ABCC4: variants seen among roughly 807,000 people sequenced by gnomAD.
The protein encoded by ABCC4 is ATP binding cassette subfamily C member 4 (PEL blood group), also known as ATP-binding cassette sub-family C member 4.
ABCC4 carries 102 observed loss-of-function variants against 168.5 expected under a neutral mutation model. That is an observed-to-expected ratio of 0.61 (90% confidence interval 0.52 to 0.71). ABCC4 has a LOEUF of 0.71. ABCC4 is among the 30% of genes least tolerant of loss of function. The pLI is 0.00. For synonymous variants in ABCC4, 617 were observed against 590.7 expected, an observed-to-expected ratio of 1.04 and a Z score of -0.65; for missense variants, 1,402 against 1,605.8, an observed-to-expected ratio of 0.87 and a Z score of 2.17.
intron 1 of ABCC4, among the ~76,000 whole-genome samples, chr13:95,266,957 C>A (rs2040697727): frequency 6.6e-6 from 1 of 151,184 alleles, no homozygotes; most frequent in Non-Finnish European, 1.5e-5. Flanking sequence ...GCAACCTCCA[C>A]CTCCCAGGTT....
At chr13:95,294,866 A>G (rs963712485) in intron 1 of ABCC4, among the ~76,000 whole-genome samples, 8 of 152,106 alleles carry the variant, frequency 5.3e-5, no homozygotes, top group African/African-American at 1.9e-4. Context: ...AGACAGGAGA[A>G]TCGCTTGAAC....
At chr13:95,030,489 A>C (rs1227577691) in intron 30 of ABCC4, among the ~76,000 whole-genome samples, 1 of 152,190 alleles carries the variant, frequency 6.6e-6, no homozygotes, top group Non-Finnish European at 1.5e-5. Context: ...CCTATGTTGA[A>C]GTCCTAACCC....
At position 95,177,788 on chromosome 13, in the gene ABCC4, A is replaced by T. The variant is rs751878990; in HGVS notation, c.1646T>A (p.Val549Glu). 1 of 1,609,594 alleles carries T rather than the reference A, an allele frequency of 6.2e-7. No homozygotes were observed. Among genetic ancestry groups the T allele is most frequent in the Non-Finnish European group, 8.5e-7 (1 of 1,176,332 alleles). ...GAGATAGATGTCAGCATCTTGATACACTGCTCTAGAAAATACAAAGAGGTA... is the reference window on the plus strand; with the variant it reads ...GAGATAGATGTCAGCATCTTGATACTCTGCTCTAGAAAATACAAAGAGGTA... ...QKARVNLARA[V>E]YQDADIYLLD... The change falls in exon 13 of 31, where the codon GTG becomes GAG. Residue 549 changes from valine to glutamate, a missense_variant. Coordinates refer to ENST00000645237, the MANE Select transcript of ABCC4 (RefSeq NM_005845.5).
intron 18 of ABCC4, 51 bp downstream of exon 18, chr13:95,163,071 A>G: frequency 7.5e-7 from 1 of 1,327,282 alleles, no homozygotes; most frequent in East Asian, 2.3e-5. Flanking sequence ...ACACAGGCTC[A>G]TTGTAAGCAC....
intron 30 of ABCC4, among the ~76,000 whole-genome samples, chr13:95,033,597 A>G (rs2031985725): frequency 1.3e-5 from 2 of 152,116 alleles, no homozygotes; most frequent in Middle Eastern, 3.2e-3. Context: ...ACATACTTCA[A>G]GGATTATTCA....
At chr13:95,108,127 G>A (rs538032349) in intron 20 of ABCC4, among the ~76,000 whole-genome samples, 2 of 152,184 alleles carry the variant, frequency 1.3e-5, no homozygotes, top group African/African-American at 4.8e-5. Flanking sequence ...CACTCAAAAT[G>A]TCTAAAAGAA....
At chr13:95,285,763 T>C (rs1348785496) in intron 1 of ABCC4, among the ~76,000 whole-genome samples, 1 of 152,046 alleles carries the variant, frequency 6.6e-6, no homozygotes, top group Non-Finnish European at 1.5e-5. Flanking sequence ...AATGGATATC[T>C]GAGAATGTAG....
chr13:95,111,420 T>G (rs1362384879), intron 20 of ABCC4, among the ~76,000 whole-genome samples: 2 of 152,234 alleles, frequency 1.3e-5, no homozygotes, highest in Non-Finnish European at 2.9e-5. Flanking sequence ...AAGTTATTTA[T>G]TTCCAGTGAT....
At chr13:95,030,801 T>G (rs1044565364) in intron 30 of ABCC4, among the ~76,000 whole-genome samples, 1 of 152,268 alleles carries the variant, frequency 6.6e-6, no homozygotes, top group Non-Finnish European at 1.5e-5. Flanking sequence ...TAGTCTGTGC[T>G]ACTTTGCTAT....
At chr13:95,038,005 C>T (rs973767522) in intron 29 of ABCC4, among the ~76,000 whole-genome samples, 6 of 152,060 alleles carry the variant, frequency 3.9e-5, no homozygotes, top group Non-Finnish European at 5.9e-5. Flanking sequence ...CAGGTGCACG[C>T]CGCCAAAGCC....
At chr13:95,094,853 C>T (rs1032434514) in intron 20 of ABCC4, among the ~76,000 whole-genome samples, 7 of 151,926 alleles carry the variant, frequency 4.6e-5, no homozygotes, top group Admixed American at 2.0e-4. Context: ...AGAAAGTGGA[C>T]TTAGGACATG....
chr13:95,030,676 T>C (rs985257313), intron 30 of ABCC4, among the ~76,000 whole-genome samples: 8 of 152,022 alleles, frequency 5.3e-5, no homozygotes, highest in African/African-American at 1.7e-4. Flanking sequence ...CGTGAACATA[T>C]AGCCATCTGC....
Position 95,218,977 on chromosome 13 carries a change from G to C in ABCC4, c.532-8196C>G, listed in dbSNP as rs796580389. Among the ~76,000 whole-genome samples the C allele has an allele frequency of 1.4e-4, 5 of 35,462 alleles. 1 individual carries two copies. Among genetic ancestry groups the C allele is most frequent in the African/African-American group, 6.5e-4 (5 of 7,726 alleles). The allele number at this position is 35,462 out of a possible 152,430, so 23.3% of individuals were successfully genotyped here. On this transcript the variant is annotated intron_variant, in intron 4 of 30. Transcript: ENST00000645237. ...AGAAAGAAAGAAAGAAAGAAAGAAA[G>C]AAAGAAAGAGTGAGAAAGAAAGAAA...
chr13:95,231,830 G>C (rs2039629248), intron 4 of ABCC4, among the ~76,000 whole-genome samples: 2 of 152,164 alleles, frequency 1.3e-5, no homozygotes, highest in Admixed American at 1.3e-4. Context: ...ATTTCCCAAA[G>C]GCTATTTTCC....
At chr13:95,205,114 G>A (rs985541510) in intron 8 of ABCC4, among the ~76,000 whole-genome samples, 6 of 152,194 alleles carry the variant, frequency 3.9e-5, no homozygotes, top group Admixed American at 6.5e-5. Flanking sequence ...AGTGTTACCT[G>A]AAGCTGTTGT....
At chr13:95,124,877 CA>C (rs1254482050) in intron 19 of ABCC4, among the ~76,000 whole-genome samples, 13 of 141,920 alleles carry the variant, frequency 9.2e-5, no homozygotes, top group Admixed American at 3.5e-4. Context: ...GACTTGATCT[CA>C]AAAAAAAAAT....
intron 1 of ABCC4, among the ~76,000 whole-genome samples, chr13:95,265,911 G>A (rs375274884): frequency 7.2e-4 from 110 of 152,218 alleles, no homozygotes; most frequent in African/African-American, 2.6e-3. Context: ...GGGAAATAAG[G>A]GGCCAAGATT....
intron 8 of ABCC4, among the ~76,000 whole-genome samples, chr13:95,197,300 C>G (rs961839098): frequency 5.9e-5 from 9 of 152,184 alleles, no homozygotes; most frequent in Non-Finnish European, 5.9e-5. Context: ...ATCTTCTTAA[C>G]CTTGTCTAGA....
At chr13:95,078,440 C>G (rs1205343936) in intron 21 of ABCC4, among the ~76,000 whole-genome samples, 2 of 150,828 alleles carry the variant, frequency 1.3e-5, no homozygotes, top group Admixed American at 1.3e-4. Flanking sequence ...AGCAAGAAAA[C>G]AAAAAGATGA....
Sources: allele counts gnomAD v4.1 joint callset (sites outside exome capture counted in the v4.1 genomes callset), GRCh38; gene constraint gnomAD v4.1.1; transcripts MANE v1.5; gene names NCBI Gene and HGNC (gene_info 2026-07-23, HGNC 2026-07-21).